MTUS2: variants seen among roughly 807,000 people sequenced by gnomAD.
MTUS2 encodes microtubule associated scaffold protein 2.
In MTUS2, 40 loss-of-function variants were observed where a neutral mutation model predicts 114.1. The ratio of observed to expected loss-of-function variants is 0.35; its 90% CI spans 0.27 to 0.46. The LOEUF (loss-of-function observed/expected upper bound fraction) is 0.46. Ranked by LOEUF, MTUS2 falls within the 20% of genes least tolerant of loss-of-function variation. MTUS2 has a pLI of 1.00. For synonymous variants in MTUS2, 688 were observed against 672.0 expected, an observed-to-expected ratio of 1.02 and a Z score of -0.37; for missense variants, 1,679 against 1,705.4, an observed-to-expected ratio of 0.98 and a Z score of 0.27.
At chr13:28,959,152 G>A (rs998582141) in intron 2 of MTUS2, among the ~76,000 whole-genome samples, 7 of 152,126 alleles carry the variant, frequency 4.6e-5, no homozygotes, top group Non-Finnish European at 7.3e-5. Context: ...AACAACAGCC[G>A]GCTTTCTCTA....
rs748833418 is a variant in MTUS2, at chr13:29,025,505, G to A, written c.807G>A (p.Val269=). The A allele has an allele frequency of 6.8e-6, 11 of 1,613,582 alleles. No homozygotes were observed. The Admixed American group carries it at 1.3e-4, about 20-fold the overall frequency. Residue 269 remains valine (V), a synonymous_variant, in exon 3 of 16, where the codon GTG becomes GTA. Transcript: ENST00000612955. ...CAGTGGGGGCACATGTACTGCAGGT[G>A]TGCAGTGAGCACACATCACATTCCG... The part of the protein sequence containing the change: ...TQTVGAHVLQ[V]CSEHTSHSAH...
intron 2 of MTUS2, among the ~76,000 whole-genome samples, chr13:28,969,779 A>G (rs1445506491): frequency 6.7e-6 from 1 of 149,788 alleles, no homozygotes; most frequent in African/African-American, 2.5e-5. Context: ...CTGGGATTAC[A>G]GGCGTGAGCC....
At chr13:28,840,674 A>G (rs1220472828) in intron 2 of MTUS2, among the ~76,000 whole-genome samples, 1 of 152,240 alleles carries the variant, frequency 6.6e-6, no homozygotes, top group Non-Finnish European at 1.5e-5. Context: ...ACAGTGCACA[A>G]CCTGAGCAAC....
chr13:29,042,663 C>T (rs1292948258), intron 4 of MTUS2, among the ~76,000 whole-genome samples: 2 of 151,898 alleles, frequency 1.3e-5, no homozygotes, highest in Non-Finnish European at 2.9e-5. Context: ...CTGGTCTGTT[C>T]GGAATTTAAT....
At chr13:28,853,920 G>T (rs1344893719) in intron 2 of MTUS2, among the ~76,000 whole-genome samples, 1 of 152,226 alleles carries the variant, frequency 6.6e-6, no homozygotes. Flanking sequence ...TGTGCTATCT[G>T]TATAGGATGG....
At chr13:29,085,228 G>A (rs942373645) in intron 4 of MTUS2, among the ~76,000 whole-genome samples, 2 of 152,188 alleles carry the variant, frequency 1.3e-5, no homozygotes, top group Non-Finnish European at 2.9e-5. Context: ...GAAGAACCAT[G>A]AGCAAAAGTA....
chr13:29,195,875 A>G (rs138353817), intron 5 of MTUS2, among the ~76,000 whole-genome samples: 382 of 152,252 alleles, frequency 2.5e-3, no homozygotes, highest in African/African-American at 8.8e-3. Flanking sequence ...AAATGAGGCT[A>G]TATCCAGCCT....
intron 5 of MTUS2, among the ~76,000 whole-genome samples, chr13:29,179,775 A>G (rs191307982): frequency 6.6e-6 from 1 of 152,338 alleles, no homozygotes; most frequent in Non-Finnish European, 1.5e-5. Context: ...ACCAGCTCAT[A>G]TATGTTTTCA....
At chr13:28,952,021 C>T (rs1252479526) in intron 2 of MTUS2, among the ~76,000 whole-genome samples, 1 of 152,034 alleles carries the variant, frequency 6.6e-6, no homozygotes, top group Non-Finnish European at 1.5e-5. Flanking sequence ...TGTGGAAGTG[C>T]ACCAGTGGCA....
chr13:29,046,101 T>C (rs1486582880), intron 4 of MTUS2, among the ~76,000 whole-genome samples: 1 of 145,598 alleles, frequency 6.9e-6, no homozygotes, highest in African/African-American at 2.6e-5. Flanking sequence ...CACTACTGAT[T>C]TCTTGGTTAG....
intron 7 of MTUS2, chr13:29,339,928 C>T (rs2138111248): frequency 6.6e-6 from 1 of 152,584 alleles, no homozygotes; most frequent in African/African-American, 2.4e-5. Context: ...GGTACCAGCT[C>T]AAGTAGTTGC....
At chr13:29,073,202 A>C (rs1889024630) in intron 4 of MTUS2, among the ~76,000 whole-genome samples, 1 of 152,238 alleles carries the variant, frequency 6.6e-6, no homozygotes, top group Admixed American at 6.5e-5. Context: ...CTAATAACCC[A>C]AAAATGCTTA....
rs148863928 is a variant in MTUS2, at chr13:29,351,463, C to A, written c.2906-7799C>A. ...CATGTTTCTGACACATCTTTCTCCC[C>A]CTCTGGACATCCAGGCTTGAGAAAG... On this transcript the variant is annotated intron_variant, in intron 7 of 15. Coordinates refer to ENST00000612955, the MANE Select transcript of MTUS2 (RefSeq NM_001033602.4). Among the ~76,000 whole-genome samples, 364 of 152,298 alleles carry A rather than the reference C, an allele frequency of 2.4e-3. 3 individuals are homozygous for A. The highest frequency in any genetic ancestry group is 4.2e-3 in the Non-Finnish European group (285 of 68,028).
At chr13:29,049,461 C>T (rs1207270509) in intron 4 of MTUS2, among the ~76,000 whole-genome samples, 1 of 152,090 alleles carries the variant, frequency 6.6e-6, no homozygotes, top group African/African-American at 2.4e-5. Context: ...CAAACTCAGC[C>T]CTTTGGCTGA....
chr13:29,455,062 A>T (rs1453471051), intron 9 of MTUS2, among the ~76,000 whole-genome samples: 1 of 152,182 alleles, frequency 6.6e-6, no homozygotes, highest in Non-Finnish European at 1.5e-5. Context: ...GGGGCTACTC[A>T]CCAAACCTGG....
chr13:29,080,251 G>A (rs888210569), intron 4 of MTUS2, among the ~76,000 whole-genome samples: 1 of 152,100 alleles, frequency 6.6e-6, no homozygotes, highest in Non-Finnish European at 1.5e-5. Flanking sequence ...GAATATTATA[G>A]AGTGGCCTTT....
At chr13:29,284,858 T>C (rs1239693856) in intron 6 of MTUS2, among the ~76,000 whole-genome samples, 1 of 152,166 alleles carries the variant, frequency 6.6e-6, no homozygotes, top group Non-Finnish European at 1.5e-5. Flanking sequence ...TTGTAAGTGG[T>C]GACTAAACCA....
At chr13:29,374,000 A>C (rs945745111) in intron 8 of MTUS2, among the ~76,000 whole-genome samples, 1 of 152,236 alleles carries the variant, frequency 6.6e-6, no homozygotes, top group African/African-American at 2.4e-5. Flanking sequence ...AATTCTTCAA[A>C]GAAAGATGTA....
chr13:29,136,844 A>G (rs1891999427), intron 5 of MTUS2, among the ~76,000 whole-genome samples: 1 of 152,250 alleles, frequency 6.6e-6, no homozygotes, highest in Non-Finnish European at 1.5e-5. Flanking sequence ...TCAGAAGTAT[A>G]TGTGACAACC....
Sources: gnomAD v4.1 joint callset for allele counts (sites outside exome capture counted in the v4.1 genomes callset) on GRCh38, gnomAD v4.1.1 for gene constraint, MANE v1.5 for transcripts, NCBI Gene and HGNC (gene_info 2026-07-23, HGNC 2026-07-21) for gene names.